The following LAMP3 variants were observed in gnomAD, a reference collection of about 807,000 sequenced individuals.
LAMP3 encodes the protein lysosome-associated membrane glycoprotein 3.
A neutral mutation model predicts 34.8 loss-of-function variants in LAMP3; 26 were observed. The observed-to-expected ratio is 0.75, with a 90% confidence interval of 0.55 to 1.04. The LOEUF (loss-of-function observed/expected upper bound fraction) is 1.04, where lower values mean the gene tolerates loss of function less well. Among genes scored for constraint, LAMP3 ranks in the 50% least tolerant of loss-of-function variants. LAMP3 has a pLI of 0.00. For synonymous variants in LAMP3, 180 were observed against 201.9 expected (o/e 0.89, Z 0.92); for missense variants, 495 against 524.0 (o/e 0.94, Z 0.54).
chr3:183,162,088 T>G, intron 1 of LAMP3: 5 of 415,056 alleles, frequency 1.2e-5, no homozygotes, highest in South Asian at 1.0e-4. Flanking sequence ...ACTCAATGTC[T>G]AGGGGGAAAA....
intron 4 of LAMP3, among the ~76,000 whole-genome samples, chr3:183,137,313 A>G (rs1720128612): frequency 6.6e-6 from 1 of 152,134 alleles, no homozygotes; most frequent in South Asian, 2.1e-4. Flanking sequence ...AGCCATGCTC[A>G]GTCTCAAAAA....
At chr3:183,126,316 T>C (rs952432460) in intron 5 of LAMP3, among the ~76,000 whole-genome samples, 3 of 152,078 alleles carry the variant, frequency 2.0e-5, no homozygotes, top group African/African-American at 7.2e-5. Context: ...GTGGGTCCAG[T>C]GTGAAAAGAT....
intron 5 of LAMP3, among the ~76,000 whole-genome samples, chr3:183,134,169 C>T (rs73886241): frequency 6.6e-6 from 1 of 152,070 alleles, no homozygotes; most frequent in Non-Finnish European, 1.5e-5. Flanking sequence ...TGAGTTGATA[C>T]GGTGACAGTG....
intron 4 of LAMP3, among the ~76,000 whole-genome samples, chr3:183,138,145 C>A (rs572674404): frequency 1.2e-4 from 19 of 152,200 alleles, no homozygotes; most frequent in African/African-American, 3.9e-4. Flanking sequence ...TGAGAGATTT[C>A]TATTCTATTG....
Position 183,154,097 on chromosome 3 carries a change from T to C in LAMP3, c.344A>G (p.His115Arg). 1 of 1,614,120 alleles carries C rather than the reference T, an allele frequency of 6.2e-7. No individual in the cohort carries two copies. The highest frequency in any genetic ancestry group is 8.5e-7 in the Non-Finnish European group (1 of 1,180,012). ...VTTQATPNNSHTAPPVTEVTV... is the reference protein window; with the variant it reads ...VTTQATPNNSRTAPPVTEVTV... The stretch of plus-strand genomic sequence containing the variant: ...AACTTCAGTAACTGGAGGAGCTGTG[T>C]GTGAGTTGTTGGGTGTGGCCTGGGT... The change falls in exon 2 of 6, where the codon CAC becomes CGC. Residue 115 changes from histidine to arginine, a missense_variant. By Grantham distance (29) the His-to-Arg change is conservative. Coordinates refer to ENST00000265598, the MANE Select transcript of LAMP3 (RefSeq NM_014398.4).
chr3:183,152,575 G>A, intron 2 of LAMP3, 72 bp from the exon 3 acceptor site: 1 of 1,400,454 alleles, frequency 7.1e-7, no homozygotes, highest in South Asian at 1.4e-5. Flanking sequence ...AGATGCACAG[G>A]CTAGTTTGTG....
At chr3:183,124,435 C>A (rs967009223) in intron 5 of LAMP3, among the ~76,000 whole-genome samples, 1 of 150,938 alleles carries the variant, frequency 6.6e-6, no homozygotes, top group Admixed American at 6.6e-5. Context: ...GATTAAATAA[C>A]CATATTTTCT....
intron 3 of LAMP3, among the ~76,000 whole-genome samples, chr3:183,149,650 A>G (rs886995594): frequency 6.8e-6 from 1 of 148,120 alleles, no homozygotes; most frequent in African/African-American, 2.5e-5. Context: ...AAGATCTGAT[A>G]CTTGATAGCA....
At chr3:183,161,669 G>A (rs1398790365) in intron 1 of LAMP3, among the ~76,000 whole-genome samples, 1 of 152,142 alleles carries the variant, frequency 6.6e-6, no homozygotes. Flanking sequence ...GATTGCAGGT[G>A]TGAGCCACCA....
chr3:183,154,487 C>A (rs750961806), intron 1 of LAMP3, 96 bp from the exon 2 acceptor site: 46 of 929,198 alleles, frequency 5.0e-5, no homozygotes, highest in Non-Finnish European at 7.0e-5. Flanking sequence ...ATAAAAAAAC[C>A]TAACATGCAT....
At chr3:183,130,227 T>C (rs1392682661) in intron 5 of LAMP3, among the ~76,000 whole-genome samples, 1 of 147,842 alleles carries the variant, frequency 6.8e-6, no homozygotes, top group Non-Finnish European at 1.5e-5. Context: ...GGTGCCATCT[T>C]GGCTCACTGC....
Position 183,153,762 on chromosome 3 carries a change from T to C in LAMP3, c.679A>G (p.Ile227Val). 1.3e-6 allele frequency: 2 copies of C among 1,560,502 alleles called. No homozygotes were observed. Among genetic ancestry groups the C allele is most frequent in the Non-Finnish European group, 1.7e-6 (2 of 1,154,842 alleles). Reference protein sequence around the residue: ...APQPSSVKTGIYQVLNGSRLC... With the variant: ...APQPSSVKTGVYQVLNGSRLC... ...CTGCTTCCGTTTAGAACCTGATAAA[T>C]TCCAGTCTTGACTGACGATGGCTGA... The change falls in exon 2 of 6, where the codon ATT (isoleucine) becomes GTT (valine). Residue 227 changes from isoleucine to valine, a missense_variant. Coordinates refer to ENST00000265598, the MANE Select transcript of LAMP3 (RefSeq NM_014398.4).
intron 5 of LAMP3, chr3:183,132,311 C>T (rs1030599068): frequency 1.1e-6 from 1 of 917,990 alleles, no homozygotes; most frequent in African/African-American, 1.8e-5. Context: ...ATATTAAGAT[C>T]ATCTATAATT....
intron 5 of LAMP3, chr3:183,132,250 A>G: frequency 1.0e-6 from 1 of 960,960 alleles, no homozygotes; most frequent in Non-Finnish European, 1.2e-6. Context: ...TAATTTTTTA[A>G]ACTGATAATA....
chr3:183,130,259 C>T (rs941205757), intron 5 of LAMP3, among the ~76,000 whole-genome samples: 10 of 149,496 alleles, frequency 6.7e-5, no homozygotes, highest in South Asian at 4.2e-4. Flanking sequence ...CCCGGGTTGA[C>T]GCCATTCTCC....
chr3:183,139,821 CT>C (rs1409149304), intron 4 of LAMP3, among the ~76,000 whole-genome samples: 1 of 152,166 alleles, frequency 6.6e-6, no homozygotes, highest in Non-Finnish European at 1.5e-5. Flanking sequence ...AGGGTAAGAA[CT>C]ATTAGTTTGA....
At chr3:183,131,842 A>G (rs1253728136) in intron 5 of LAMP3, 9 of 761,662 alleles carry the variant, frequency 1.2e-5, no homozygotes, top group African/African-American at 7.6e-5. Flanking sequence ...ACCCCCATCA[A>G]TGTAATAGGA....
intron 1 of LAMP3, 133 bp from the exon 2 acceptor site, chr3:183,154,524 A>C (rs1720770563): frequency 1.5e-6 from 1 of 674,516 alleles, no homozygotes; most frequent in African/African-American, 1.8e-5. Flanking sequence ...GAAATTTGCA[A>C]GGGTACAACA....
rs482912 is a variant in LAMP3 at position 183,135,882 on chromosome 3, T to C, written c.952A>G (p.Ile318Val). The change falls in exon 5 of 6, where the codon ATT becomes GTT. Residue 318 changes from isoleucine to valine, a missense_variant. Ile to Val is a conservative substitution (Grantham distance 29). Coordinates refer to ENST00000265598, the MANE Select transcript of LAMP3 (RefSeq NM_014398.4). The part of the protein sequence containing the change: ...AYLTVSDPET[I>V]YQGIKHAVVM... ...ACCGCATGTTTGATTCCTTGGTAAA[T>C]TGTCTCTGAAAAGGTGACAGATAGA... 0.7 allele frequency: 1,124,570 copies of C among 1,611,228 alleles called. 403,688 individuals carry two copies. Among genetic ancestry groups the C allele is most frequent in the Non-Finnish European group, 0.74 (871,993 of 1,177,624 alleles).
Sources: gnomAD v4.1 joint callset for allele counts (sites outside exome capture counted in the v4.1 genomes callset) on GRCh38, gnomAD v4.1.1 for gene constraint, MANE v1.5 for transcripts, NCBI Gene and HGNC (gene_info 2026-07-23, HGNC 2026-07-21) for gene names.